The following NBAS variants were observed in gnomAD, a reference collection of about 807,000 sequenced individuals.
NBAS encodes the protein NBAS subunit of NRZ tethering complex.
In NBAS, 219 loss-of-function variants were observed where a neutral mutation model predicts 302.5. That is an observed-to-expected ratio of 0.72 (90% confidence interval 0.65 to 0.81). The LOEUF is 0.81. NBAS is among the 30% of genes least tolerant of loss of function. The pLI is 0.00. For synonymous variants in NBAS, 1,118 were observed against 1,021.6 expected, an observed-to-expected ratio of 1.09 and a Z score of -1.80; for missense variants, 2,932 against 2,841.6, an observed-to-expected ratio of 1.03 and a Z score of -0.72.
At chr2:14,792,689 G>T in the NBAS span, among the ~76,000 whole-genome samples, 5 of 151,144 alleles carry the variant, frequency 3.3e-5, no homozygotes, top group Non-Finnish European at 7.4e-5. Context: ...AAAAAAAATC[G>T]TAAATAGGAC....
At chr2:15,094,825 T>G in the NBAS span, among the ~76,000 whole-genome samples, 3 of 152,164 alleles carry the variant, frequency 2.0e-5, no homozygotes, top group African/African-American at 7.2e-5. Flanking sequence ...CGACGGGGTC[T>G]CAGCAGAGAT....
At chr2:15,337,900 A>C (rs1483772896) in intron 35 of NBAS, among the ~76,000 whole-genome samples, 1 of 152,248 alleles carries the variant, frequency 6.6e-6, no homozygotes, top group Non-Finnish European at 1.5e-5. Flanking sequence ...TTATATTCAT[A>C]GTGGCACACT....
the NBAS span, among the ~76,000 whole-genome samples, chr2:15,134,885 A>G: frequency 3.3e-5 from 5 of 152,132 alleles, no homozygotes; most frequent in Admixed American, 1.3e-4. Flanking sequence ...ATCCCCTCTA[A>G]TGGGTCGGAG....
chr2:14,998,616 C>A, the NBAS span, among the ~76,000 whole-genome samples: 1 of 152,200 alleles, frequency 6.6e-6, no homozygotes, highest in Admixed American at 6.5e-5. Context: ...CTGGGGGATT[C>A]ATGTCCCATT....
chr2:14,863,326 G>C, the NBAS span, among the ~76,000 whole-genome samples: 2 of 152,188 alleles, frequency 1.3e-5, no homozygotes, highest in Non-Finnish European at 2.9e-5. Context: ...AGAGAGTCAG[G>C]AAGGGAGATA....
the NBAS span, among the ~76,000 whole-genome samples, chr2:15,034,303 A>AGAAAGAAAGATG: frequency 1.3e-4 from 17 of 127,886 alleles, no homozygotes; most frequent in Non-Finnish European, 2.7e-4. Context: ...AAAGAAAGAA[A>AGAAAGAAAGATG]GATGGAGAGA....
At chr2:14,921,224 A>T in the NBAS span, among the ~76,000 whole-genome samples, 1 of 152,188 alleles carries the variant, frequency 6.6e-6, no homozygotes, top group Non-Finnish European at 1.5e-5. Context: ...TACATGGAGC[A>T]GTCAGAACAC....
chr2:15,341,055 T>C (rs945829048), intron 35 of NBAS, among the ~76,000 whole-genome samples: 36 of 152,106 alleles, frequency 2.4e-4, no homozygotes, highest in Admixed American at 1.4e-3. Context: ...TTTTAGACCC[T>C]ACAGGGCTAA....
chr2:14,849,536 C>T, the NBAS span, among the ~76,000 whole-genome samples: 25 of 151,576 alleles, frequency 1.6e-4, 1 homozygote, highest in African/African-American at 5.1e-4. Context: ...ACTTCCCCAA[C>T]CTAGCAAGGC....
At chr2:15,238,214 TCCACCCTTCTCAC>T (rs984133286) in intron 45 of NBAS, among the ~76,000 whole-genome samples, 2 of 152,142 alleles carry the variant, frequency 1.3e-5, no homozygotes, top group Non-Finnish European at 2.9e-5. Flanking sequence ...CATCTCCATT[TCCACCCTTCTCAC>T]CCACTTCCTC....
At chr2:15,317,364 C>T (rs1655140884) in intron 38 of NBAS, among the ~76,000 whole-genome samples, 1 of 152,162 alleles carries the variant, frequency 6.6e-6, no homozygotes, top group African/African-American at 2.4e-5. Context: ...CACAGCTCCT[C>T]ACCAGCAATG....
chr2:15,285,963 C>T (rs1670022758), intron 42 of NBAS, among the ~76,000 whole-genome samples: 1 of 152,152 alleles, frequency 6.6e-6, no homozygotes, highest in South Asian at 2.1e-4. Context: ...CCTGGCCTCT[C>T]TTGCCTTTTC....
At chr2:14,967,869 G>A in the NBAS span, among the ~76,000 whole-genome samples, 2 of 152,118 alleles carry the variant, frequency 1.3e-5, no homozygotes, top group Non-Finnish European at 2.9e-5. Context: ...TTTCCTCTTG[G>A]CAGCTCTCAA....
At chr2:14,889,928 A>C in the NBAS span, among the ~76,000 whole-genome samples, 1 of 152,258 alleles carries the variant, frequency 6.6e-6, no homozygotes, top group Admixed American at 6.5e-5. Context: ...TAATATTTTT[A>C]AACTGTAAAA....
chr2:15,301,112 C>T (rs944324836), intron 40 of NBAS, among the ~76,000 whole-genome samples: 8 of 151,984 alleles, frequency 5.3e-5, no homozygotes, highest in African/African-American at 9.7e-5. Context: ...GGGAATTACC[C>T]GTTAAGTTTG....
the NBAS span, among the ~76,000 whole-genome samples, chr2:14,941,338 G>A: frequency 6.6e-6 from 1 of 152,216 alleles, no homozygotes; most frequent in African/African-American, 2.4e-5. Context: ...CTGGGAGGGT[G>A]TATGTGTAGC....
the NBAS span, among the ~76,000 whole-genome samples, chr2:14,975,826 AG>A: frequency 6.9e-6 from 1 of 144,124 alleles, no homozygotes; most frequent in African/African-American, 2.7e-5. Context: ...CATGACTGGT[AG>A]AAAAAAAAAA....
the NBAS span, among the ~76,000 whole-genome samples, chr2:14,878,467 G>A: frequency 6.6e-6 from 1 of 152,120 alleles, no homozygotes; most frequent in African/African-American, 2.4e-5. Context: ...ATCATTGGGT[G>A]GGCCAGCTTC....
chr2:14,933,928 A>T, the NBAS span, among the ~76,000 whole-genome samples: 1 of 152,192 alleles, frequency 6.6e-6, no homozygotes, highest in Non-Finnish European at 1.5e-5. Flanking sequence ...GCTAAACCAC[A>T]CTAAGGGGAA....
Sources: gnomAD v4.1 joint callset for allele counts (sites outside exome capture counted in the v4.1 genomes callset) on GRCh38, gnomAD v4.1.1 for gene constraint, MANE v1.5 for transcripts, NCBI Gene and HGNC (gene_info 2026-07-23, HGNC 2026-07-21) for gene names.